VTCN1: variants seen among roughly 807,000 people sequenced by gnomAD.
VTCN1 encodes V-set domain containing T cell activation inhibitor 1.
VTCN1 carries 26 observed loss-of-function variants against 26.5 expected under a neutral mutation model. The observed-to-expected ratio is 0.98, with a 90% CI of 0.72 to 1.36. The LOEUF is 1.36. Among genes scored for constraint, VTCN1 ranks in the 40% most tolerant of loss-of-function variants. The probability of loss-of-function intolerance (pLI) is 0.00; values close to 1 mark genes in which losing one functional copy is unlikely to be tolerated. For synonymous variants in VTCN1, 116 were observed against 130.7 expected (o/e 0.89, Z 0.77); for missense variants, 298 against 337.7 (o/e 0.88, Z 0.92).
At chr1:117,173,964 T>C (rs1223216960) in intron 1 of VTCN1, among the ~76,000 whole-genome samples, 1 of 152,214 alleles carries the variant, frequency 6.6e-6, no homozygotes, top group Non-Finnish European at 1.5e-5. Flanking sequence ...CACCGTGAGG[T>C]TTGTTCTGAG....
chr1:117,172,951 G>T (rs1653001061), intron 1 of VTCN1, among the ~76,000 whole-genome samples: 1 of 152,162 alleles, frequency 6.6e-6, no homozygotes, highest in African/African-American at 2.4e-5. Context: ...AGACAGCAGC[G>T]GCAAACTCCT....
chr1:117,147,390 A>G lies in VTCN1; in HGVS notation c.*45+223T>C, dbSNP rs1651563456. Among the ~76,000 whole-genome samples, 1 of 152,218 alleles carries G rather than the reference A, an allele frequency of 6.6e-6. No homozygotes were observed. The highest frequency in any genetic ancestry group is 1.5e-5 in the Non-Finnish European group (1 of 68,032). On this transcript the variant is annotated intron_variant, in intron 5 of 5. Transcript: ENST00000369458. The surrounding 1 kb of genome is among the most constrained non-coding windows in gnomAD (Gnocchi z 4.6). ...AAAAGGTATTTGAATTTACATAAAT[A>G]CTTGAATTGTATGTTATTTTTCCTA...
At chr1:117,168,339 G>T (rs1196681626) in intron 2 of VTCN1, among the ~76,000 whole-genome samples, 2 of 152,182 alleles carry the variant, frequency 1.3e-5, no homozygotes, top group Non-Finnish European at 2.9e-5. Flanking sequence ...CAGTAGTGGT[G>T]CTGGGTTTAT....
rs568571724 is a variant in VTCN1, at chr1:117,182,690, G to C, written c.33-12519C>G. Reference sequence around the variant, plus strand: ...CAGGCCTTCCAGCCTGGAATCTGTAGTTTTCTTACTCCCTGGAGCTGCCTT... The same window carrying C: ...CAGGCCTTCCAGCCTGGAATCTGTACTTTTCTTACTCCCTGGAGCTGCCTT... On this transcript the variant is annotated intron_variant, in intron 1 of 5. Transcript: ENST00000369458. Among the ~76,000 whole-genome samples, 151 of 152,314 alleles carry C rather than the reference G, an allele frequency of 9.9e-4. 1 individual carries two copies. Among genetic ancestry groups the C allele is most frequent in the Non-Finnish European group, 1.6e-3 (106 of 68,026 alleles).
chr1:117,156,501 C>A, intron 3 of VTCN1, 73 bp downstream of exon 3: 1 of 1,413,110 alleles, frequency 7.1e-7, no homozygotes, highest in Non-Finnish European at 9.5e-7. Flanking sequence ...CAACATATTT[C>A]ATAAGCAACT....
At chr1:117,178,604 T>TTTC (rs1413277120) in intron 1 of VTCN1, among the ~76,000 whole-genome samples, 1 of 146,204 alleles carries the variant, frequency 6.8e-6, no homozygotes, top group Admixed American at 6.8e-5. Context: ...TTTTTTTTTT[T>TTTC]TTTTTTAGAG....
chr1:117,180,266 C>T (rs1266299373), intron 1 of VTCN1, among the ~76,000 whole-genome samples: 1 of 152,142 alleles, frequency 6.6e-6, no homozygotes, highest in East Asian at 1.9e-4. Flanking sequence ...CTATATTATT[C>T]TTAAGCCTGT....
Position 117,153,393 on chromosome 1 carries a change from G to T in VTCN1, c.446-24C>A, listed in dbSNP as rs778521957. On this transcript the variant is annotated intron_variant, in intron 3 of 5. Coordinates refer to ENST00000369458, the MANE Select transcript of VTCN1 (RefSeq NM_024626.4). The stretch of plus-strand genomic sequence containing the variant: ...GGCTGCAGGGTCAAAAGTCAGAAAG[G>T]GCAGATGCCAAAGTCAGACACGTAA... 6.3e-6 allele frequency: 10 copies of T among 1,585,492 alleles called. No individual in the cohort carries two copies. The South Asian group carries it at 9.1e-5, about 14-fold the overall frequency.
intron 1 of VTCN1, among the ~76,000 whole-genome samples, chr1:117,202,674 C>T (rs983493748): frequency 6.6e-6 from 1 of 152,182 alleles, no homozygotes; most frequent in African/African-American, 2.4e-5. Flanking sequence ...ATATTATCCC[C>T]ATTTTACAGA....
intron 1 of VTCN1, among the ~76,000 whole-genome samples, chr1:117,198,225 C>A (rs1418852386): frequency 6.6e-6 from 1 of 152,176 alleles, no homozygotes; most frequent in Non-Finnish European, 1.5e-5. Flanking sequence ...GCTAGATAAC[C>A]AGATCAGATC....
intron 3 of VTCN1, among the ~76,000 whole-genome samples, chr1:117,154,353 TAA>T (rs201649755): frequency 6.6e-6 from 1 of 151,250 alleles, no homozygotes; most frequent in Non-Finnish European, 1.5e-5. Flanking sequence ...TCATCCCCAT[TAA>T]AAAAAAATCA....
chr1:117,197,458 T>C (rs1648570928), intron 1 of VTCN1, among the ~76,000 whole-genome samples: 1 of 152,164 alleles, frequency 6.6e-6, no homozygotes, highest in Non-Finnish European at 1.5e-5. Context: ...TAGAACTAAG[T>C]CAAATGGAAA....
At chr1:117,176,956 G>A (rs188618012) in intron 1 of VTCN1, among the ~76,000 whole-genome samples, 39 of 152,174 alleles carry the variant, frequency 2.6e-4, no homozygotes, top group African/African-American at 9.4e-4. Flanking sequence ...AAAATTAGCC[G>A]AGCGTGGTGG....
At chr1:117,204,537 T>C (rs1045816864) in intron 1 of VTCN1, among the ~76,000 whole-genome samples, 1 of 152,126 alleles carries the variant, frequency 6.6e-6, no homozygotes, top group Non-Finnish European at 1.5e-5. Flanking sequence ...AACATAGTTC[T>C]TAGCTAGGGT....
At chr1:117,203,793 T>C in intron 1 of VTCN1, 6 of 985,416 alleles carry the variant, frequency 6.1e-6, no homozygotes, top group Non-Finnish European at 7.2e-6. Flanking sequence ...CGGCTGCTAA[T>C]ACAGAGAATC....
At chr1:117,204,371 G>A (rs1255561458) in intron 1 of VTCN1, among the ~76,000 whole-genome samples, 1 of 152,142 alleles carries the variant, frequency 6.6e-6, no homozygotes, top group Non-Finnish European at 1.5e-5. Context: ...ACCCAGCTAG[G>A]AAGTGGAGAG....
chr1:117,200,810 C>T (rs1648748203), intron 1 of VTCN1, among the ~76,000 whole-genome samples: 1 of 152,196 alleles, frequency 6.6e-6, no homozygotes, highest in Non-Finnish European at 1.5e-5. Context: ...CACTTTGTCA[C>T]CCAGGCTGGA....
chr1:117,147,752 T>C lies in VTCN1; in HGVS notation c.755A>G (p.Gln252Arg). Residue 252 changes from glutamine to arginine, a missense_variant, in exon 5 of 6, where the codon CAG becomes CGG. Coordinates refer to ENST00000369458, the MANE Select transcript of VTCN1 (RefSeq NM_024626.4). The surrounding 1 kb of genome is among the most constrained non-coding windows in gnomAD (Gnocchi z 4.6). ...CAGAGAAGCCTTTGAGTTTAGCAGC[T>C]GTAGGTGACTCCGCCTTTTGATCTC... ...ESEIKRRSHL[Q>R]LLNSKASLCV... 6.2e-7 allele frequency: 1 copy of C among 1,613,942 alleles called. No individual in the cohort carries two copies. The highest frequency in any genetic ancestry group is 8.5e-7 in the Non-Finnish European group (1 of 1,179,924).
intron 1 of VTCN1, among the ~76,000 whole-genome samples, chr1:117,186,995 G>A (rs1448338705): frequency 6.6e-6 from 1 of 151,854 alleles, no homozygotes; most frequent in Non-Finnish European, 1.5e-5. Context: ...CTTTAAAAAA[G>A]GAGCTTTTTG....
Sources: gnomAD v4.1 joint callset for allele counts (sites outside exome capture counted in the v4.1 genomes callset) on GRCh38, gnomAD v4.1.1 for gene constraint, Gnocchi (gnomAD v3.1) non-coding constraint, MANE v1.5 for transcripts, NCBI Gene and HGNC (gene_info 2026-07-23, HGNC 2026-07-21) for gene names.